The following COL12A1 variants were observed in gnomAD, a reference collection of about 807,000 sequenced individuals.
COL12A1 encodes the protein collagen alpha-1(XII) chain.
A neutral mutation model predicts 349.7 loss-of-function variants in COL12A1; 114 were observed. The observed-to-expected ratio is 0.33, with a 90% CI of 0.28 to 0.38. The LOEUF (loss-of-function observed/expected upper bound fraction) is 0.38, where lower values mean the gene tolerates loss of function less well. Ranked by LOEUF, COL12A1 falls within the 10% of genes least tolerant of loss-of-function variation. COL12A1 has a pLI of 1.00. For synonymous variants in COL12A1, 1,369 were observed against 1,329.0 expected, an observed-to-expected ratio of 1.03 and a Z score of -0.66; for missense variants, 3,284 against 3,756.9, an observed-to-expected ratio of 0.87 and a Z score of 3.29.
rs2149465524 is a variant in COL12A1 at position 75,183,156 on chromosome 6, A to G, written c.1785T>C (p.His595=). ...EAIASPPAET[H]VFTVEDFDAF... Reference sequence around the variant, plus strand: ...CATCAAAATCTTCCACTGTGAACACATGGGTCTCTGCAGGAGGAGAGGCAA... The same window carrying G: ...CATCAAAATCTTCCACTGTGAACACGTGGGTCTCTGCAGGAGGAGAGGCAA... The change falls in exon 10 of 66, where the codon CAT becomes CAC. Residue 595 remains histidine (H), a synonymous_variant. Transcript: ENST00000322507. The G allele has an allele frequency of 6.2e-7, 1 of 1,614,172 alleles. No individual in the cohort carries two copies. The highest frequency in any genetic ancestry group is 8.5e-7 in the Non-Finnish European group (1 of 1,180,040).
At chr6:75,134,968 A>G (rs984106728) in intron 31 of COL12A1, 113 bp from the exon 32 acceptor site, 13 of 1,119,438 alleles carry the variant, frequency 1.2e-5, no homozygotes, top group Non-Finnish European at 1.5e-5. Context: ...CAAGTTCCAG[A>G]ATTACATACC....
At chr6:75,205,423 C>G (rs1770731070) in intron 1 of COL12A1, among the ~76,000 whole-genome samples, 1 of 151,772 alleles carries the variant, frequency 6.6e-6, no homozygotes, top group Non-Finnish European at 1.5e-5. Context: ...GCCACAGCCG[C>G]GAGATAACCA....
chr6:75,145,051 C>T (rs1165335807), intron 25 of COL12A1, among the ~76,000 whole-genome samples: 3 of 152,086 alleles, frequency 2.0e-5, no homozygotes, highest in Admixed American at 6.5e-5. Context: ...TGATTGGCAC[C>T]TAGCCAAGAG....
chr6:75,140,655 C>CAAAAAAAAAAAAAAAA lies in COL12A1; in HGVS notation c.4957+1361_4957+1376dup, dbSNP rs1236499281. Among the ~76,000 whole-genome samples the CAAAAAAAAAAAAAAAA allele has an allele frequency of 5.2e-4, 24 of 46,128 alleles. 1 individual carries two copies. Among genetic ancestry groups the CAAAAAAAAAAAAAAAA allele is most frequent in the African/African-American group, 2.1e-3 (23 of 11,144 alleles). 30.3% of individuals were successfully genotyped at this position (46,128 alleles called of 152,430 possible). Reference sequence around the variant, plus strand: ...TGGGTGACAGAGCGAGACTCTGTCTCAAAAAAAAAAAAAAAAAAAAAAAGC... The same window carrying CAAAAAAAAAAAAAAAA: ...TGGGTGACAGAGCGAGACTCTGTCTCAAAAAAAAAAAAAAAAAAAAAAAAAAAAAAAAAAAAAAAGC... On this transcript the variant is annotated intron_variant, in intron 27 of 65. Transcript: ENST00000322507.
At position 75,084,495 on chromosome 6, in the gene COL12A1, GA is replaced by G. The variant is rs1309828597; in HGVS notation, c.*2051del. On this transcript the variant is annotated 3_prime_UTR_variant, in exon 66 of 66. Transcript: ENST00000322507. ...TGATAACTAAGAAATATTATATTCT[GA>G]AAAAAGTTCATACTAAATATACAAC... 6.6e-6 allele frequency: 1 copy of G among 152,548 alleles called. No homozygotes were observed. Among genetic ancestry groups the G allele is most frequent in the Non-Finnish European group, 1.5e-5 (1 of 68,020 alleles). The allele number at this position is 152,548 out of a possible 1,614,324, so 9.4% of individuals were successfully genotyped here.
chr6:75,182,939 G>T, intron 10 of COL12A1, 111 bp downstream of exon 10: 1 of 1,319,052 alleles, frequency 7.6e-7, no homozygotes, highest in Non-Finnish European at 1.0e-6. Context: ...ACATAGGAAA[G>T]TTACTTTTTC....
At chr6:75,102,562 C>A (rs773876555) in intron 56 of COL12A1, 35 bp downstream of exon 56, 8 of 1,383,024 alleles carry the variant, frequency 5.8e-6, no homozygotes, top group South Asian at 4.7e-5. Context: ...GTTTATCCAC[C>A]ACTCTCATTT....
chr6:75,137,495 C>T lies in COL12A1; in HGVS notation c.5336G>A (p.Arg1779His), dbSNP rs748487098. Residue 1779 changes from arginine (R) to histidine (H), a missense_variant, in exon 31 of 66, where the codon CGT becomes CAT. This residue lies in a region of COL12A1 where 2,601 missense variants were observed against 2,824.8 expected (regional missense o/e 0.92). Coordinates refer to ENST00000322507, the MANE Select transcript of COL12A1 (RefSeq NM_004370.6). The part of the protein sequence containing the change: ...LTVKWDPASG[R>H]VQKYRITYQP... The stretch of plus-strand genomic sequence containing the variant: ...ATAAGTGATCCTATATTTCTGCACA[C>T]GACCACTAGCAGGATCCCACTTAAC... The T allele has an allele frequency of 4.8e-5, 78 of 1,613,596 alleles. No homozygotes were observed. Among genetic ancestry groups the T allele is most frequent in the Admixed American group, 8.3e-5 (5 of 59,980 alleles).
intron 14 of COL12A1, among the ~76,000 whole-genome samples, chr6:75,164,642 T>C (rs879551682): frequency 6.6e-6 from 1 of 152,170 alleles, no homozygotes; most frequent in Admixed American, 6.6e-5. Flanking sequence ...CCCATGTACC[T>C]TTTCCCACCT....
Position 75,152,010 on chromosome 6 carries a change from C to A in COL12A1, c.3857G>T (p.Arg1286Leu), listed in dbSNP as rs191757914. The A allele has an allele frequency of 1.9e-6, 3 of 1,613,700 alleles. No homozygotes were observed. Among genetic ancestry groups the A allele is most frequent in the Non-Finnish European group, 8.5e-7 (1 of 1,179,772 alleles). Residue 1286 changes from arginine (R) to leucine (L), a missense_variant, in exon 20 of 66, where the codon CGC becomes CTC. By Grantham distance (102) the Arg-to-Leu change is moderately radical (BLOSUM62 -2). Coordinates refer to ENST00000322507, the MANE Select transcript of COL12A1 (RefSeq NM_004370.6). ...TLTGMALNFI[R>L]QQNFRTQAGM... ...AGCTTGGGTCCTGAAGTTCTGTTGG[C>A]GAATGAAATTCAAAGCCATGCCTAG...
intron 23 of COL12A1, 76 bp downstream of exon 23, chr6:75,147,599 A>C (rs1486254294): frequency 1.5e-6 from 2 of 1,344,318 alleles, no homozygotes; most frequent in Non-Finnish European, 2.0e-6. Flanking sequence ...ATTATTTGGA[A>C]GGTAGGCAAA....
chr6:75,119,811 G>A (rs537033202), intron 44 of COL12A1, among the ~76,000 whole-genome samples: 24 of 152,230 alleles, frequency 1.6e-4, no homozygotes, highest in Non-Finnish European at 2.9e-4. Flanking sequence ...ATACCATCTC[G>A]AATCCAAATG....
In COL12A1 at chr6:75,148,562, T is replaced by C. The variant is rs540169140; in HGVS notation, c.4148-65A>G. The C allele has an allele frequency of 1.1e-3, 1,583 of 1,403,794 alleles. 24 individuals are homozygous for C. The highest frequency in any genetic ancestry group is 2.2e-3 in the Middle Eastern group (12 of 5,534). The allele number at this position is 1,403,794 out of a possible 1,614,324, so 87.0% of individuals were successfully genotyped here. ...TGTAGAAAGGTGACAATATTTGAAA[T>C]GACATTGAAACAATATTATGCTCCA... On this transcript the variant is annotated intron_variant, in intron 21 of 65. Transcript: ENST00000322507.
intron 13 of COL12A1, among the ~76,000 whole-genome samples, chr6:75,171,585 A>T (rs1768636596): frequency 6.6e-6 from 1 of 152,210 alleles, no homozygotes. Flanking sequence ...GGCTGACACC[A>T]TGCCTCTGGA....
At position 75,175,138 on chromosome 6, in the gene COL12A1, C is replaced by T. The variant is rs377030726; in HGVS notation, c.2610G>A (p.Leu870=). Residue 870 remains leucine, a synonymous_variant, in exon 13 of 66, where the codon CTG becomes CTA. Coordinates refer to ENST00000322507, the MANE Select transcript of COL12A1 (RefSeq NM_004370.6). ...ATTGTGTCCCTTCCTTCAATCCCTG[C>T]AGCACCGTATTGGTTGTATCTCCCC... is the stretch of plus-strand genomic sequence containing the variant. ...TVRGDTTNTV[L]QGLKEGTQYA... is the part of the protein sequence containing the mutation. 2.8e-5 allele frequency: 45 copies of T among 1,614,056 alleles called. No individual in the cohort carries two copies. Among genetic ancestry groups the T allele is most frequent in the Non-Finnish European group, 3.7e-5 (44 of 1,180,038 alleles).
intron 60 of COL12A1, among the ~76,000 whole-genome samples, chr6:75,093,862 C>A (rs1246691718): frequency 1.3e-5 from 2 of 152,110 alleles, no homozygotes; most frequent in African/African-American, 4.8e-5. Flanking sequence ...CTTCTAGCTA[C>A]AGCCATCAAT....
chr6:75,191,764 A>G lies in COL12A1; in HGVS notation c.335-4T>C, dbSNP rs769109919. ...TTTGTCGAACTACCTGTTTGAACTA[A>G]GTTAAAACTTTATTATTACAAAAGG... is the stretch of plus-strand genomic sequence containing the variant. On this transcript the variant is annotated splice_polypyrimidine_tract_variant and splice_region_variant and intron_variant, in intron 4 of 65. Coordinates refer to ENST00000322507, the MANE Select transcript of COL12A1 (RefSeq NM_004370.6). The G allele has an allele frequency of 3.2e-6, 5 of 1,575,928 alleles. No homozygotes were observed. The highest frequency in any genetic ancestry group is 4.3e-6 in the Non-Finnish European group (5 of 1,161,832).
Position 75,143,305 on chromosome 6 carries a change from TTCCAG to T in COL12A1, c.4769_4773del (p.Pro1590GlnfsTer4). ...TATCGAACAATATATTTACGCACTT[TTCCAG>T]GCACAGGTTCCCAAAAGACATTCAT... On this transcript the variant is annotated frameshift_variant, in exon 26 of 66. Coordinates refer to ENST00000322507, the MANE Select transcript of COL12A1 (RefSeq NM_004370.6). LOFTEE classifies it high-confidence loss of function. 6.2e-7 allele frequency: 1 copy of T among 1,613,966 alleles called. No individual in the cohort carries two copies.
At chr6:75,119,706 A>C (rs757798207) in intron 44 of COL12A1, among the ~76,000 whole-genome samples, 17 of 152,174 alleles carry the variant, frequency 1.1e-4, no homozygotes, top group Non-Finnish European at 2.4e-4. Flanking sequence ...TTAATAATGA[A>C]AATATACTAT....
Sources: gnomAD v4.1 joint callset for allele counts (sites outside exome capture counted in the v4.1 genomes callset) on GRCh38, gnomAD v4.1.1 for gene constraint, gnomAD v4.1.1 regional missense constraint, MANE v1.5 for transcripts, NCBI Gene and HGNC (gene_info 2026-07-23, HGNC 2026-07-21) for gene names.